The following CAMTA1 variants were observed in gnomAD, a reference collection of about 807,000 sequenced individuals.
The protein encoded by CAMTA1 is calmodulin-binding transcription activator 1.
A neutral mutation model predicts 170.9 loss-of-function variants in CAMTA1; 27 were observed. That is an observed-to-expected ratio of 0.16 (90% CI 0.12 to 0.22). The LOEUF (loss-of-function observed/expected upper bound fraction) is 0.22. Among genes scored for constraint, CAMTA1 ranks in the 10% least tolerant of loss-of-function variants. The pLI is 1.00. For missense variants in CAMTA1, 1,619 were observed against 2,217.2 expected (o/e 0.73, Z 5.42); for synonymous variants, 833 against 891.5 (o/e 0.93, Z 1.17).
At chr1:7,401,300 G>A (rs2089888815) in intron 5 of CAMTA1, among the ~76,000 whole-genome samples, 13 of 152,068 alleles carry the variant, frequency 8.5e-5, no homozygotes, top group Admixed American at 8.5e-4. Context: ...TTGCACTTTT[G>A]TTGAAAATCA....
Position 7,015,864 on chromosome 1 carries a change from C to T in CAMTA1, c.235-75440C>T, listed in dbSNP as rs542845229. Among the ~76,000 whole-genome samples, 14 of 152,174 alleles carry T rather than the reference C, an allele frequency of 9.2e-5. No individual in the cohort carries two copies. The East Asian group carries it at 1.9e-3, about 21-fold the overall frequency. ...GGAAACTTACAATCATGGCAGAAGG[C>T]GAAGGGGAAGCAGGCATGTCCTGCA... On this transcript the variant is annotated intron_variant, in intron 3 of 22. Coordinates refer to ENST00000303635, the MANE Select transcript of CAMTA1 (RefSeq NM_015215.4).
chr1:7,759,990 T>G (rs893037586), intron 22 of CAMTA1, among the ~76,000 whole-genome samples: 2 of 152,218 alleles, frequency 1.3e-5, no homozygotes, highest in Non-Finnish European at 2.9e-5. Flanking sequence ...AGACACTATT[T>G]CTGTGAGAAG....
Position 7,337,595 on chromosome 1 carries a change from A to AGCCTCATCCAATCACAATGTGGGCT in CAMTA1, c.438+87970_438+87971insCCTCATCCAATCACAATGTGGGCTG, listed in dbSNP as rs1301738490. ...GGCCTCATCCAATCACAGTGTGGGC[A>AGCCTCATCCAATCACAATGTGGGCT]GTGGGCCTCATCCAATCACAATGTG... On this transcript the variant is annotated intron_variant, in intron 5 of 22. Coordinates refer to ENST00000303635, the MANE Select transcript of CAMTA1 (RefSeq NM_015215.4). 3.4e-3 allele frequency among the ~76,000 whole-genome samples: 415 copies of AGCCTCATCCAATCACAATGTGGGCT among 123,480 alleles called. 28 individuals carry two copies. Among genetic ancestry groups the AGCCTCATCCAATCACAATGTGGGCT allele is most frequent in the African/African-American group, 0.014 (384 of 27,972 alleles). 81.0% of individuals were successfully genotyped at this position (123,480 alleles called of 152,430 possible). A position where few individuals can be genotyped will look rare whatever the true frequency, so the allele number is the denominator to read the frequency against.
intron 4 of CAMTA1, among the ~76,000 whole-genome samples, chr1:7,194,053 G>C (rs1031705849): frequency 4.6e-5 from 7 of 152,188 alleles, no homozygotes; most frequent in Non-Finnish European, 1.0e-4. Context: ...ATACGTAAAC[G>C]TAGGGATGTG....
At chr1:7,697,183 A>C (rs984532508) in intron 11 of CAMTA1, among the ~76,000 whole-genome samples, 1 of 152,196 alleles carries the variant, frequency 6.6e-6, no homozygotes, top group Non-Finnish European at 1.5e-5. Context: ...CCACCCTGAA[A>C]GATCTGGAGC....
rs1258248652 is a variant in CAMTA1 at position 7,482,445 on chromosome 1, C to T, written c.510+14544C>T. On this transcript the variant is annotated intron_variant, in intron 6 of 22. Coordinates refer to ENST00000303635, the MANE Select transcript of CAMTA1 (RefSeq NM_015215.4). The surrounding 1 kb of genome is among the most constrained non-coding windows in gnomAD (Gnocchi z 4.2). Reference sequence around the variant, plus strand: ...CCCCACGAGCACAAGCGTCAGCACTCGGTAAAGACACCAGAATGGATGCGC... The same window carrying T: ...CCCCACGAGCACAAGCGTCAGCACTTGGTAAAGACACCAGAATGGATGCGC... Among the ~76,000 whole-genome samples, 3 of 152,306 alleles carry T rather than the reference C, an allele frequency of 2.0e-5. No individual in the cohort carries two copies. Among genetic ancestry groups the T allele is most frequent in the Middle Eastern group, 3.4e-3 (1 of 294 alleles).
rs1271697778 is a variant in CAMTA1, at chr1:7,663,819, A to G, written c.1272A>G (p.Ser424=). 1.2e-6 allele frequency: 2 copies of G among 1,613,690 alleles called. No individual in the cohort carries two copies. Among genetic ancestry groups the G allele is most frequent in the South Asian group, 1.1e-5 (1 of 91,060 alleles). The change falls in exon 9 of 23, where the codon TCA becomes TCG. Residue 424 remains serine, a synonymous_variant. Coordinates refer to ENST00000303635, the MANE Select transcript of CAMTA1 (RefSeq NM_015215.4). The part of the protein sequence containing the change: ...PTAGPNHHLL[S]PDASQGLVLA... ...CTGGCCCCAACCACCACCTCCTCTC[A>G]CCTGACGCCTCTCAGGGCCTCGTCC...
chr1:7,288,799 G>A (rs1255777558), intron 5 of CAMTA1, among the ~76,000 whole-genome samples: 1 of 152,226 alleles, frequency 6.6e-6, no homozygotes, highest in African/African-American at 2.4e-5. Flanking sequence ...GCCAGCACAG[G>A]CGGCTCTCGT....
intron 5 of CAMTA1, among the ~76,000 whole-genome samples, chr1:7,464,349 A>T (rs546779502): frequency 6.6e-6 from 1 of 152,356 alleles, no homozygotes; most frequent in South Asian, 2.1e-4. Flanking sequence ...AGCCTGATCA[A>T]AAAGCGCCAG....
intron 3 of CAMTA1, among the ~76,000 whole-genome samples, chr1:7,019,504 G>A (rs1701052385): frequency 6.6e-6 from 1 of 152,210 alleles, no homozygotes. Flanking sequence ...GAAATGAACA[G>A]TGAAGTCGTG....
chr1:7,225,914 A>G (rs1160798186), intron 4 of CAMTA1, among the ~76,000 whole-genome samples: 1 of 152,072 alleles, frequency 6.6e-6, no homozygotes, highest in Admixed American at 6.5e-5. Context: ...TTTCCGAGCC[A>G]CTGATTCCTC....
chr1:7,640,150 G>A (rs1325521895), intron 6 of CAMTA1, among the ~76,000 whole-genome samples: 1 of 152,110 alleles, frequency 6.6e-6, no homozygotes, highest in Admixed American at 6.5e-5. Context: ...ACTTCTCCAG[G>A]GGTCACAGCC....
chr1:7,472,230 C>T (rs1149336), intron 6 of CAMTA1, among the ~76,000 whole-genome samples: 30,120 of 152,110 alleles, frequency 0.2, 3,397 homozygotes, highest in Middle Eastern at 0.28. Flanking sequence ...TAGGAGACCA[C>T]AGGACAGGGT....
intron 3 of CAMTA1, among the ~76,000 whole-genome samples, chr1:6,850,829 A>G (rs1178705274): frequency 6.6e-6 from 1 of 152,214 alleles, no homozygotes; most frequent in Non-Finnish European, 1.5e-5. Flanking sequence ...GGCTCAGATC[A>G]GGGAGCAGGA....
intron 4 of CAMTA1, among the ~76,000 whole-genome samples, chr1:7,187,566 C>T (rs1342332186): frequency 6.6e-6 from 1 of 152,054 alleles, no homozygotes; most frequent in Non-Finnish European, 1.5e-5. Flanking sequence ...AATGAAGTTT[C>T]ATGGTAATTT....
At chr1:7,104,065 C>A (rs1643257739) in intron 4 of CAMTA1, among the ~76,000 whole-genome samples, 1 of 149,286 alleles carries the variant, frequency 6.7e-6, no homozygotes, top group African/African-American at 2.5e-5. Flanking sequence ...CACAGATGTA[C>A]ACACTACACA....
At chr1:7,458,576 G>C (rs1020030693) in intron 5 of CAMTA1, among the ~76,000 whole-genome samples, 3 of 152,184 alleles carry the variant, frequency 2.0e-5, no homozygotes, top group African/African-American at 7.2e-5. Flanking sequence ...CCCCTGCCCA[G>C]AGGAGTCCCC....
chr1:6,943,547 G>A (rs1276409465), intron 3 of CAMTA1, among the ~76,000 whole-genome samples: 1 of 152,042 alleles, frequency 6.6e-6, no homozygotes, highest in Non-Finnish European at 1.5e-5. Context: ...ATTTTAAATT[G>A]TGTTAAATAC....
chr1:7,578,721 C>T (rs75085344), intron 6 of CAMTA1, among the ~76,000 whole-genome samples: 6,712 of 152,176 alleles, frequency 0.044, 501 homozygotes, highest in African/African-American at 0.15. Flanking sequence ...GGACAGATGG[C>T]CCCATCTGTG....
Sources: allele counts gnomAD v4.1 joint callset (sites outside exome capture counted in the v4.1 genomes callset), GRCh38; gene constraint gnomAD v4.1.1; non-coding constraint Gnocchi (gnomAD v3.1); transcripts MANE v1.5; gene names NCBI Gene and HGNC (gene_info 2026-07-23, HGNC 2026-07-21).